Variants in OTULIN observed in about 807,000 individuals in gnomAD.
OTULIN encodes ubiquitin thioesterase otulin.
OTULIN carries 15 observed loss-of-function variants against 39.6 expected under a neutral mutation model. The observed-to-expected ratio is 0.38, with a 90% CI of 0.25 to 0.58. OTULIN has a LOEUF of 0.58. Ranked by LOEUF, OTULIN falls within the 20% of genes least tolerant of loss-of-function variation. The pLI is 0.66. For synonymous variants in OTULIN, 156 were observed against 170.3 expected, an observed-to-expected ratio of 0.92 and a Z score of 0.65; for missense variants, 319 against 445.9, an observed-to-expected ratio of 0.72 and a Z score of 2.56.
the OTULIN span, chr5:14,707,242 A>C: frequency 3.3e-5 from 5 of 151,528 alleles, no homozygotes; most frequent in African/African-American, 4.9e-5. Flanking sequence ...ACAACACTAT[A>C]AATACTTGCT....
chr5:14,697,739 T>G lies in OTULIN; in HGVS notation c.*4691T>G. 6.6e-6 allele frequency: 1 copy of G among 150,922 alleles called. No homozygotes were observed. Among genetic ancestry groups the G allele is most frequent in the African/African-American group, 2.5e-5 (1 of 40,268 alleles). 9.3% of individuals were successfully genotyped at this position (150,922 alleles called of 1,614,324 possible). A position where few individuals can be genotyped will look rare whatever the true frequency, so the allele number is the denominator to read the frequency against. The stretch of plus-strand genomic sequence containing the variant: ...GAGGAGGACACTGTGTTTTCTCAAT[T>G]AATCTCATTGATTTGTTTGGTATAA... On this transcript the variant is annotated 3_prime_UTR_variant, in exon 7 of 7. Coordinates refer to ENST00000284274, the MANE Select transcript of OTULIN (RefSeq NM_138348.6).
intron 4 of OTULIN, among the ~76,000 whole-genome samples, chr5:14,682,307 A>G (rs1402288545): frequency 6.6e-6 from 1 of 152,210 alleles, no homozygotes; most frequent in Non-Finnish European, 1.5e-5. Flanking sequence ...TACCTTCTGT[A>G]TCTAAAATAA....
chr5:14,706,365 C>T, the OTULIN span: 3 of 152,190 alleles, frequency 2.0e-5, no homozygotes, highest in Non-Finnish European at 4.4e-5. Context: ...AAGATACTGG[C>T]TATAATTCTC....
the OTULIN span, among the ~76,000 whole-genome samples, chr5:14,716,492 C>CAATAAATAAATAAATA: frequency 2.0e-5 from 3 of 151,446 alleles, no homozygotes; most frequent in African/African-American, 7.3e-5. Context: ...ACTCTGTCTC[C>CAATAAATAAATAAATA]AATAAATAAA....
At chr5:14,709,439 C>T in the OTULIN span, 3 of 152,118 alleles carry the variant, frequency 2.0e-5, no homozygotes, top group Admixed American at 1.3e-4. Context: ...AGGACATGTC[C>T]CCACGTGGGC....
At position 14,693,121 on chromosome 5, in the gene OTULIN, T is replaced by TTG. The variant is rs1402584953; in HGVS notation, c.*74_*75dup. 7.0e-7 allele frequency: 1 copy of TTG among 1,424,228 alleles called. No homozygotes were observed. Among genetic ancestry groups the TTG allele is most frequent in the Non-Finnish European group, 9.5e-7 (1 of 1,050,302 alleles). 88.2% of individuals were successfully genotyped at this position (1,424,228 alleles called of 1,614,324 possible). A position where few individuals can be genotyped will look rare whatever the true frequency, so the allele number is the denominator to read the frequency against. On this transcript the variant is annotated 3_prime_UTR_variant, in exon 7 of 7. Coordinates refer to ENST00000284274, the MANE Select transcript of OTULIN (RefSeq NM_138348.6). ...TGGCTCCTGGGCTTGGGCTGCAGGT[T>TTG]TGGGGGTCTCTAAGAACAATCTCTG...
In OTULIN at chr5:14,694,354, T is replaced by C. The variant is rs1736611418; in HGVS notation, c.*1306T>C. 1 of 152,248 alleles carries C rather than the reference T, an allele frequency of 6.6e-6. No individual in the cohort carries two copies. The highest frequency in any genetic ancestry group is 2.4e-5 in the African/African-American group (1 of 41,460). The allele number at this position is 152,248 out of a possible 1,614,324, so 9.4% of individuals were successfully genotyped here. A position where few individuals can be genotyped will look rare whatever the true frequency, so the allele number is the denominator to read the frequency against. ...GCATGGTCTGCCTTATGGCCTGAAT[T>C]GTCCTCAAGGGGTGTGGACTGCAGA... On this transcript the variant is annotated 3_prime_UTR_variant, in exon 7 of 7. Coordinates refer to ENST00000284274, the MANE Select transcript of OTULIN (RefSeq NM_138348.6).
chr5:14,685,302 T>C (rs905431384), intron 4 of OTULIN, among the ~76,000 whole-genome samples: 1 of 152,248 alleles, frequency 6.6e-6, no homozygotes, highest in South Asian at 2.1e-4. Context: ...TTTTATAGTT[T>C]AGTCACAAAC....
chr5:14,668,231 A>G (rs1446747808), intron 1 of OTULIN, among the ~76,000 whole-genome samples: 1 of 152,202 alleles, frequency 6.6e-6, no homozygotes, highest in Non-Finnish European at 1.5e-5. Context: ...TACAGTTCGG[A>G]GTAGGGATAA....
At chr5:14,686,525 G>A (rs1736392331) in intron 4 of OTULIN, among the ~76,000 whole-genome samples, 1 of 152,122 alleles carries the variant, frequency 6.6e-6, no homozygotes, top group Non-Finnish European at 1.5e-5. Flanking sequence ...TGTACTGGCA[G>A]AACTGTATTA....
chr5:14,680,394 A>T (rs1485187506), intron 3 of OTULIN, among the ~76,000 whole-genome samples: 6 of 152,240 alleles, frequency 3.9e-5, no homozygotes, highest in Non-Finnish European at 7.3e-5. Flanking sequence ...GACACACAGG[A>T]CAGAGGTGGT....
the OTULIN span, among the ~76,000 whole-genome samples, chr5:14,713,261 G>A: frequency 6.6e-6 from 1 of 152,144 alleles, no homozygotes; most frequent in South Asian, 2.1e-4. This position sits in a 1 kb window ranked among gnomAD's most constrained non-coding sequence, Gnocchi z 4.4. Flanking sequence ...CTTCTCTTCT[G>A]GTTTTCATGT....
downstream of OTULIN, among the ~76,000 whole-genome samples, chr5:14,703,613 C>T (rs1297148588): frequency 6.6e-6 from 1 of 152,098 alleles, no homozygotes; most frequent in Non-Finnish European, 1.5e-5. Context: ...AGATTTGCCC[C>T]TTGTGGTATT....
chr5:14,711,418 G>T, the OTULIN span: 1 of 902,060 alleles, frequency 1.1e-6, no homozygotes, highest in Non-Finnish European at 1.8e-6. Context: ...CTCACTGTAG[G>T]CTTAAACCTT....
Position 14,693,119 on chromosome 5 carries a change from G to GT in OTULIN, c.*74dup. 1 of 1,428,964 alleles carries GT rather than the reference G, an allele frequency of 7.0e-7. No homozygotes were observed. Among genetic ancestry groups the GT allele is most frequent in the Non-Finnish European group, 9.5e-7 (1 of 1,053,800 alleles). 88.5% of individuals were successfully genotyped at this position (1,428,964 alleles called of 1,614,324 possible). On this transcript the variant is annotated 3_prime_UTR_variant, in exon 7 of 7. Transcript: ENST00000284274. ...GGTGGCTCCTGGGCTTGGGCTGCAG[G>GT]TTTGGGGGTCTCTAAGAACAATCTC...
At chr5:14,704,883 A>G in the OTULIN span, 1 of 152,248 alleles carries the variant, frequency 6.6e-6, no homozygotes, top group Non-Finnish European at 1.5e-5. Context: ...ATACAAATCC[A>G]TAAACCCTGA....
At chr5:14,682,376 C>T (rs992568706) in intron 4 of OTULIN, among the ~76,000 whole-genome samples, 5 of 152,184 alleles carry the variant, frequency 3.3e-5, no homozygotes, top group Non-Finnish European at 7.3e-5. Flanking sequence ...AGCCACCACC[C>T]TGTTCAGTTA....
the OTULIN span, among the ~76,000 whole-genome samples, chr5:14,713,379 C>T: frequency 6.6e-6 from 1 of 152,160 alleles, no homozygotes; most frequent in Non-Finnish European, 1.5e-5. The surrounding 1 kb of genome is among the most constrained non-coding windows in gnomAD (Gnocchi z 4.4). Context: ...AAAATGGATC[C>T]CAAGAGCCTC....
At chr5:14,679,606 CTT>C (rs1182176951) in intron 3 of OTULIN, among the ~76,000 whole-genome samples, 1 of 152,240 alleles carries the variant, frequency 6.6e-6, no homozygotes, top group East Asian at 1.9e-4. Flanking sequence ...ATAGAAATAT[CTT>C]TAACTTTTTT....
Sources: gnomAD v4.1 joint callset for allele counts (sites outside exome capture counted in the v4.1 genomes callset) on GRCh38, gnomAD v4.1.1 for gene constraint, Gnocchi (gnomAD v3.1) non-coding constraint, MANE v1.5 for transcripts, NCBI Gene and HGNC (gene_info 2026-07-23, HGNC 2026-07-21) for gene names.